HSD17B6: variants seen among roughly 807,000 people sequenced by gnomAD.
HSD17B6 encodes 17-beta-hydroxysteroid dehydrogenase type 6.
Under a neutral mutation model 26.4 loss-of-function variants are expected in HSD17B6, and 16 were observed. The ratio of observed to expected loss-of-function variants is 0.61; its 90% confidence interval spans 0.41 to 0.92. The LOEUF (loss-of-function observed/expected upper bound fraction) is 0.92. HSD17B6 is among the 40% of genes least tolerant of loss of function. HSD17B6 has a pLI of 0.00. For missense variants in HSD17B6, 357 were observed against 386.1 expected, an observed-to-expected ratio of 0.92 and a Z score of 0.63; for synonymous variants, 139 against 153.0, an observed-to-expected ratio of 0.91 and a Z score of 0.68.
intron 3 of HSD17B6, among the ~76,000 whole-genome samples, chr12:56,783,059 C>T (rs1472116923): frequency 6.6e-6 from 1 of 152,248 alleles, no homozygotes; most frequent in African/African-American, 2.4e-5. Flanking sequence ...ACAGACACGG[C>T]AACCATCCGA....
intron 1 of HSD17B6, among the ~76,000 whole-genome samples, chr12:56,772,955 T>C (rs1290441828): frequency 6.6e-6 from 1 of 152,190 alleles, no homozygotes; most frequent in Non-Finnish European, 1.5e-5. Flanking sequence ...ATAGGCCTTA[T>C]GATGCTAGCG....
At chr12:56,767,507 C>A (rs1954358186) in intron 1 of HSD17B6, among the ~76,000 whole-genome samples, 1 of 149,304 alleles carries the variant, frequency 6.7e-6, no homozygotes, top group African/African-American at 2.5e-5. Flanking sequence ...CAGAGCGAGA[C>A]TCCCTCTCAA....
chr12:56,767,734 ATATG>A (rs1053558656), intron 1 of HSD17B6, among the ~76,000 whole-genome samples: 3 of 145,316 alleles, frequency 2.1e-5, no homozygotes, highest in Admixed American at 7.0e-5. Context: ...TATATAATAT[ATATG>A]TATTATATAT....
chr12:56,773,762 C>T (rs1032530093), intron 1 of HSD17B6, 72 bp from the exon 2 acceptor site: 3 of 1,377,492 alleles, frequency 2.2e-6, no homozygotes, highest in African/African-American at 2.9e-5. Context: ...ATGCCTGGCA[C>T]ATGGCAAATA....
rs1565918366 is a variant in HSD17B6, at chr12:56,774,101, T to A, written c.249T>A (p.Asp83Glu). 2.5e-6 allele frequency: 4 copies of A among 1,611,380 alleles called. No individual in the cohort carries two copies. The highest frequency in any genetic ancestry group is 2.2e-5 in the East Asian group (1 of 44,862). Residue 83 changes from aspartate (D) to glutamate (E), a missense_variant, in exon 2 of 5, where the codon GAT (aspartate) becomes GAA (glutamate). By Grantham distance (45) the Asp-to-Glu change is conservative (BLOSUM62 2). Transcript: ENST00000322165. ...TSDRLETVTL[D>E]VTKMESIAAA... is the part of the protein sequence containing the mutation. The stretch of plus-strand genomic sequence containing the variant: ...ACAGGCTGGAGACGGTGACCCTGGA[T>A]GTTACCAAGATGGAGAGCATCGCTG...
chr12:56,782,597 G>A (rs1421027479), intron 3 of HSD17B6, among the ~76,000 whole-genome samples: 1 of 151,724 alleles, frequency 6.6e-6, no homozygotes, highest in African/African-American at 2.4e-5. Context: ...GGGCTCAAAC[G>A]ATCCTTCCAC....
intron 4 of HSD17B6, among the ~76,000 whole-genome samples, chr12:56,785,569 G>C (rs1954857910): frequency 6.6e-6 from 1 of 152,242 alleles, no homozygotes; most frequent in African/African-American, 2.4e-5. Context: ...GGTTGAGGAG[G>C]GGGACATATA....
chr12:56,766,964 A>G (rs1446892490), intron 1 of HSD17B6, among the ~76,000 whole-genome samples: 1 of 152,104 alleles, frequency 6.6e-6, no homozygotes, highest in Non-Finnish European at 1.5e-5. Context: ...CAAGGGGCAA[A>G]CGTAGGCCAT....
intron 3 of HSD17B6, among the ~76,000 whole-genome samples, chr12:56,783,288 C>G (rs1476988831): frequency 6.7e-6 from 1 of 149,162 alleles, no homozygotes; most frequent in Non-Finnish European, 1.5e-5. Context: ...ACCTCCCTCC[C>G]GGACGGGGCG....
chr12:56,778,487 C>G (rs1343453207), intron 2 of HSD17B6, among the ~76,000 whole-genome samples: 1 of 152,012 alleles, frequency 6.6e-6, no homozygotes, highest in African/African-American at 2.4e-5. Flanking sequence ...GGGGTTTCAC[C>G]ATGTTGGCCA....
intron 1 of HSD17B6, among the ~76,000 whole-genome samples, chr12:56,768,225 G>A (rs954961291): frequency 1.3e-5 from 2 of 152,106 alleles, no homozygotes; most frequent in African/African-American, 2.4e-5. Flanking sequence ...AAATATTGCA[G>A]TGAGGTCTGA....
intron 2 of HSD17B6, among the ~76,000 whole-genome samples, chr12:56,774,722 G>A (rs938723173): frequency 6.6e-6 from 1 of 152,246 alleles, no homozygotes; most frequent in African/African-American, 2.4e-5. Context: ...CTCAACAGGA[G>A]TGCATAGGAT....
In HSD17B6 at chr12:56,766,331, C is replaced by T. The variant is rs1227243431; in HGVS notation, c.-20+2917C>T. On this transcript the variant is annotated intron_variant, in intron 1 of 4. Coordinates refer to ENST00000322165, the MANE Select transcript of HSD17B6 (RefSeq NM_003725.4). Reference sequence around the variant, plus strand: ...GCGTGTGACAAAAGGTAGTCGGAATCATCCAGAGTAGTCTTGTTGGTATCT... The same window carrying T: ...GCGTGTGACAAAAGGTAGTCGGAATTATCCAGAGTAGTCTTGTTGGTATCT... Among the ~76,000 whole-genome samples, 6 of 152,170 alleles carry T rather than the reference C, an allele frequency of 3.9e-5. 1 individual carries two copies. The highest frequency in any genetic ancestry group is 3.9e-4 in the Admixed American group (6 of 15,276).
intron 2 of HSD17B6, among the ~76,000 whole-genome samples, chr12:56,776,758 C>T (rs895068617): frequency 6.6e-6 from 1 of 152,110 alleles, no homozygotes; most frequent in Non-Finnish European, 1.5e-5. Flanking sequence ...CTCAAGTGAT[C>T]CTCTTGCCTC....
chr12:56,787,589 G>T lies in HSD17B6; in HGVS notation c.*247G>T. ...ACTATTTGTCTAAAGTGAATCATTT[G>T]TTCTTGCCTTATTAAACAGAGTAGA... is the stretch of plus-strand genomic sequence containing the variant. On this transcript the variant is annotated 3_prime_UTR_variant, in exon 5 of 5. Transcript: ENST00000322165. 6.4e-6 allele frequency: 3 copies of T among 469,706 alleles called. No individual in the cohort carries two copies. The highest frequency in any genetic ancestry group is 7.6e-6 in the Non-Finnish European group (2 of 263,404). 29.1% of individuals were successfully genotyped at this position (469,706 alleles called of 1,614,324 possible).
At chr12:56,782,908 T>C (rs1257278427) in intron 3 of HSD17B6, among the ~76,000 whole-genome samples, 1 of 152,096 alleles carries the variant, frequency 6.6e-6, no homozygotes, top group African/African-American at 2.4e-5. Flanking sequence ...CCTTAATCCA[T>C]TTAACCCTGA....
intron 2 of HSD17B6, among the ~76,000 whole-genome samples, chr12:56,776,304 CTTT>C (rs141890070): frequency 2.6e-5 from 3 of 114,772 alleles, no homozygotes; most frequent in Admixed American, 9.5e-5. Flanking sequence ...CATGTCTTGC[CTTT>C]TTTTTTTTTT....
At chr12:56,784,325 C>T (rs1338817081) in intron 3 of HSD17B6, among the ~76,000 whole-genome samples, 3 of 152,306 alleles carry the variant, frequency 2.0e-5, no homozygotes, top group South Asian at 2.1e-4. Flanking sequence ...CCAAGGCAGG[C>T]GGCTGGGAGG....
Position 56,787,531 on chromosome 12 carries a change from G to A in HSD17B6, c.*189G>A. 1 of 577,988 alleles carries A rather than the reference G, an allele frequency of 1.7e-6. No individual in the cohort carries two copies. The highest frequency in any genetic ancestry group is 3.1e-6 in the Non-Finnish European group (1 of 327,638). 35.8% of individuals were successfully genotyped at this position (577,988 alleles called of 1,614,324 possible). ...TCCAAAGCTTACCACTTTAGGTGAT[G>A]AATCTTTACTATTTTAGCCCTTTTT... On this transcript the variant is annotated 3_prime_UTR_variant, in exon 5 of 5. Coordinates refer to ENST00000322165, the MANE Select transcript of HSD17B6 (RefSeq NM_003725.4).
Sources: gnomAD v4.1 joint callset for allele counts (sites outside exome capture counted in the v4.1 genomes callset) on GRCh38, gnomAD v4.1.1 for gene constraint, MANE v1.5 for transcripts, NCBI Gene and HGNC (gene_info 2026-07-23, HGNC 2026-07-21) for gene names.